Variants in FAF1 observed in about 807,000 individuals in gnomAD.
The protein encoded by FAF1 is Fas associated factor 1.
FAF1 carries 25 observed loss-of-function variants against 92.5 expected under a neutral mutation model. The ratio of observed to expected loss-of-function variants is 0.27; its 90% CI spans 0.20 to 0.38. The LOEUF (loss-of-function observed/expected upper bound fraction) is 0.38, where lower values mean the gene tolerates loss of function less well. Among genes scored for constraint, FAF1 ranks in the 10% least tolerant of loss-of-function variants. FAF1 has a pLI of 1.00. For missense variants in FAF1, 636 were observed against 793.3 expected, an observed-to-expected ratio of 0.80 and a Z score of 2.38; for synonymous variants, 234 against 273.2, an observed-to-expected ratio of 0.86 and a Z score of 1.42.
intron 2 of FAF1, among the ~76,000 whole-genome samples, chr1:50,824,916 G>C (rs955365062): frequency 2.6e-5 from 4 of 152,126 alleles, no homozygotes; most frequent in East Asian, 3.8e-4. Context: ...TGAAAGTAGA[G>C]AGTAGAATGA....
intron 1 of FAF1, among the ~76,000 whole-genome samples, chr1:50,930,745 A>G (rs1645040891): frequency 6.6e-6 from 1 of 152,064 alleles, no homozygotes; most frequent in South Asian, 2.1e-4. Context: ...GGAGCTTGCA[A>G]TGAGCCGAGA....
At chr1:50,470,871 C>T (rs1646563179) in intron 18 of FAF1, 1 of 152,240 alleles carries the variant, frequency 6.6e-6, no homozygotes, top group Non-Finnish European at 1.5e-5. Context: ...CACTGAACAT[C>T]TCTCTGAGCA....
At chr1:50,500,000 G>A (rs892352980) in intron 15 of FAF1, among the ~76,000 whole-genome samples, 1 of 152,124 alleles carries the variant, frequency 6.6e-6, no homozygotes, top group African/African-American at 2.4e-5. Flanking sequence ...ATAAAACACT[G>A]CTGAGAGAAA....
At chr1:50,506,054 G>A (rs1173355800) in intron 15 of FAF1, among the ~76,000 whole-genome samples, 1 of 152,166 alleles carries the variant, frequency 6.6e-6, no homozygotes, top group East Asian at 1.9e-4. Context: ...AGAAAGTCTT[G>A]AAAAGGATTT....
At chr1:50,811,854 T>A (rs1643918639) in intron 2 of FAF1, among the ~76,000 whole-genome samples, 1 of 152,112 alleles carries the variant, frequency 6.6e-6, no homozygotes, top group African/African-American at 2.4e-5. Context: ...AGCATGGTAC[T>A]GATACAAAAA....
intron 8 of FAF1, among the ~76,000 whole-genome samples, chr1:50,610,611 G>GCAT (rs1321890068): frequency 6.6e-6 from 1 of 152,068 alleles, no homozygotes; most frequent in African/African-American, 2.4e-5. Context: ...GGTTATAAAA[G>GCAT]CATCAGTGCT....
chr1:50,746,874 C>T lies in FAF1; in HGVS notation c.368-2099G>A, dbSNP rs117904132. Among the ~76,000 whole-genome samples the T allele has an allele frequency of 2.2e-4, 34 of 152,288 alleles. No homozygotes were observed. The East Asian group carries it at 3.3e-3, about 15-fold the overall frequency. ...CCAGGGCCTCACCACCCTGCACAGA[C>T]GCAGGAAACTGCTCCCTGCATCCTG... is the stretch of plus-strand genomic sequence containing the variant. On this transcript the variant is annotated intron_variant, in intron 4 of 18. Coordinates refer to ENST00000396153, the MANE Select transcript of FAF1 (RefSeq NM_007051.3).
At chr1:50,770,892 G>A (rs1341540191) in intron 4 of FAF1, among the ~76,000 whole-genome samples, 1 of 152,162 alleles carries the variant, frequency 6.6e-6, no homozygotes, top group Non-Finnish European at 1.5e-5. Context: ...ATAACAGCAC[G>A]TTACTGGTAT....
chr1:50,942,996 C>T lies in FAF1; in HGVS notation c.45+16771G>A, dbSNP rs544535466. On this transcript the variant is annotated intron_variant, in intron 1 of 18. Transcript: ENST00000396153. ...GGGGAAACACTATCTAGTCTGGTAG[C>T]AATATAACATCCTTGAGAAGAAAAT... 1.8e-4 allele frequency among the ~76,000 whole-genome samples: 28 copies of T among 152,196 alleles called. 2 individuals are homozygous for T. The South Asian group carries it at 5.6e-3, about 30-fold the overall frequency.
intron 18 of FAF1, among the ~76,000 whole-genome samples, chr1:50,471,368 G>A (rs1022178399): frequency 5.9e-5 from 9 of 152,146 alleles, no homozygotes; most frequent in Non-Finnish European, 1.3e-4. Context: ...CCCCAAATTT[G>A]AAAGGCTTTT....
chr1:50,835,349 G>C (rs779708295), intron 2 of FAF1, among the ~76,000 whole-genome samples: 2 of 152,104 alleles, frequency 1.3e-5, no homozygotes, highest in Non-Finnish European at 2.9e-5. Flanking sequence ...AAAGATTTAA[G>C]AGAAATTTGC....
At chr1:50,590,467 C>A (rs1651449970) in intron 9 of FAF1, among the ~76,000 whole-genome samples, 1 of 152,110 alleles carries the variant, frequency 6.6e-6, no homozygotes, top group Admixed American at 6.5e-5. Context: ...TATAGAAATG[C>A]AAGTGATTTT....
At chr1:50,598,699 G>A (rs922133285) in intron 8 of FAF1, among the ~76,000 whole-genome samples, 3 of 152,090 alleles carry the variant, frequency 2.0e-5, no homozygotes, top group African/African-American at 4.8e-5. Context: ...TGCTGGGCGC[G>A]GTGGCTCACG....
intron 4 of FAF1, among the ~76,000 whole-genome samples, chr1:50,784,677 G>A (rs1661298817): frequency 6.6e-6 from 1 of 152,030 alleles, no homozygotes; most frequent in South Asian, 2.1e-4. Context: ...GCAGAAATAA[G>A]GAAATAATCC....
chr1:50,598,807 C>T (rs1338889861), intron 8 of FAF1, among the ~76,000 whole-genome samples: 1 of 151,894 alleles, frequency 6.6e-6, no homozygotes, highest in Non-Finnish European at 1.5e-5. Flanking sequence ...CCCATTTCTA[C>T]TAAATACAAA....
chr1:50,662,836 G>A lies in FAF1; in HGVS notation c.658-7308C>T, dbSNP rs768306309. On this transcript the variant is annotated intron_variant, in intron 7 of 18. Transcript: ENST00000396153. ...CTGCCTCAGCCTCCCGAGTAGCTGGGACTGCAGGCACCCACTAGCGCGCCC... is the reference window on the plus strand; with the variant it reads ...CTGCCTCAGCCTCCCGAGTAGCTGGAACTGCAGGCACCCACTAGCGCGCCC... 2.1e-4 allele frequency among the ~76,000 whole-genome samples: 31 copies of A among 148,464 alleles called. 1 individual carries two copies. Among genetic ancestry groups the A allele is most frequent in the Non-Finnish European group, 3.4e-4 (23 of 67,972 alleles).
intron 6 of FAF1, chr1:50,715,128 A>C (rs1658118669): frequency 3.7e-6 from 1 of 267,836 alleles, no homozygotes; most frequent in African/African-American, 2.2e-5. Flanking sequence ...ATATAGACTG[A>C]AGTTAATGTT....
chr1:50,458,852 C>T (rs559230492), intron 18 of FAF1, among the ~76,000 whole-genome samples: 6 of 152,128 alleles, frequency 3.9e-5, no homozygotes, highest in African/African-American at 1.2e-4. Context: ...TATCCTACAG[C>T]GAGGAAACTG....
chr1:50,523,983 G>T (rs1046493367), intron 15 of FAF1, among the ~76,000 whole-genome samples: 3 of 152,172 alleles, frequency 2.0e-5, no homozygotes, highest in African/African-American at 7.2e-5. Context: ...CTTCCACAAT[G>T]GTTGAACTAA....
Sources: gnomAD v4.1 joint callset for allele counts (sites outside exome capture counted in the v4.1 genomes callset) on GRCh38, gnomAD v4.1.1 for gene constraint, MANE v1.5 for transcripts, NCBI Gene and HGNC (gene_info 2026-07-23, HGNC 2026-07-21) for gene names.